The following CNTLN variants were observed in gnomAD, a reference collection of about 807,000 sequenced individuals.
CNTLN encodes centlein.
A neutral mutation model predicts 180.0 loss-of-function variants in CNTLN; 212 were observed. The ratio of observed to expected loss-of-function variants is 1.18; its 90% confidence interval spans 1.05 to 1.32. The LOEUF (loss-of-function observed/expected upper bound fraction) is 1.32, where lower values mean the gene tolerates loss of function less well. CNTLN is among the 40% of genes most tolerant of loss of function. The probability of loss-of-function intolerance (pLI) is 0.00; values close to 1 mark genes in which losing one functional copy is unlikely to be tolerated. For synonymous variants in CNTLN, 722 were observed against 563.1 expected (o/e 1.28, Z -3.99); for missense variants, 2,095 against 1,610.9 (o/e 1.30, Z -5.14).
rs140521784 is a variant in CNTLN, at chr9:17,432,671, G to A, written c.3114+16482G>A. Among the ~76,000 whole-genome samples the A allele has an allele frequency of 8.6e-4, 131 of 152,216 alleles. 1 individual carries two copies. In the East Asian group the frequency reaches 0.024, roughly 28 times the overall value. ...AGACAGTAGAACAGATCTTCAGTGT[G>A]TGCTGAAATAAAATGCATCAGTATA... is the stretch of plus-strand genomic sequence containing the variant. On this transcript the variant is annotated intron_variant, in intron 18 of 25. Coordinates refer to ENST00000380647, the MANE Select transcript of CNTLN (RefSeq NM_017738.4).
intron 7 of CNTLN, chr9:17,298,583 T>C (rs1818119851): frequency 8.9e-7 from 1 of 1,118,412 alleles, no homozygotes; most frequent in African/African-American, 1.6e-5. Flanking sequence ...AAACTTACTC[T>C]ATAGGGTATT....
intron 6 of CNTLN, among the ~76,000 whole-genome samples, chr9:17,294,899 T>G (rs1288063364): frequency 0.05 from 231 of 4,592 alleles, no homozygotes; most frequent in Admixed American, 0.073. Context: ...GAGTGGGGAG[T>G]GGGGGGAGGG....
At chr9:17,258,524 G>A (rs908581281) in intron 5 of CNTLN, among the ~76,000 whole-genome samples, 1 of 151,156 alleles carries the variant, frequency 6.6e-6, no homozygotes, top group Non-Finnish European at 1.5e-5. Flanking sequence ...GAAAGTCATT[G>A]GTAGATTTAT....
intron 8 of CNTLN, among the ~76,000 whole-genome samples, chr9:17,309,884 A>G (rs1819006058): frequency 6.6e-6 from 1 of 152,072 alleles, no homozygotes. Context: ...AGTGTTTTTA[A>G]GGCTCTCATA....
intron 12 of CNTLN, 133 bp downstream of exon 12, chr9:17,342,577 A>G: frequency 3.8e-6 from 3 of 787,208 alleles, no homozygotes; most frequent in Non-Finnish European, 5.9e-6. Context: ...AGTAAAGAAA[A>G]AAAGACTAGC....
At chr9:17,318,357 T>C (rs771083971) in intron 8 of CNTLN, among the ~76,000 whole-genome samples, 3 of 152,054 alleles carry the variant, frequency 2.0e-5, no homozygotes, top group Non-Finnish European at 4.4e-5. Context: ...AAGATCACTC[T>C]GGATGCATTG....
At chr9:17,176,235 A>T (rs572940133) in intron 2 of CNTLN, among the ~76,000 whole-genome samples, 2 of 149,292 alleles carry the variant, frequency 1.3e-5, no homozygotes, top group East Asian at 2.0e-4. Flanking sequence ...TTTTTTGTAA[A>T]TTTTTTTTTT....
intron 8 of CNTLN, among the ~76,000 whole-genome samples, chr9:17,321,561 T>C (rs1271136102): frequency 6.6e-6 from 1 of 152,124 alleles, no homozygotes; most frequent in Admixed American, 6.5e-5. Flanking sequence ...TTTGGAAGGG[T>C]ATATCTAATT....
At chr9:17,194,547 A>T (rs904751095) in intron 2 of CNTLN, among the ~76,000 whole-genome samples, 2 of 152,132 alleles carry the variant, frequency 1.3e-5, no homozygotes, top group Admixed American at 1.3e-4. Flanking sequence ...TCCATCGGAG[A>T]CCACCTCAGC....
chr9:17,490,783 GA>G (rs556145645), intron 25 of CNTLN, among the ~76,000 whole-genome samples: 233 of 151,452 alleles, frequency 1.5e-3, no homozygotes, highest in East Asian at 9.9e-3. Flanking sequence ...ATTACAAAAA[GA>G]AAAAAAAGAA....
intron 15 of CNTLN, among the ~76,000 whole-genome samples, chr9:17,400,340 T>C (rs1041914978): frequency 1.2e-4 from 19 of 152,138 alleles, no homozygotes; most frequent in African/African-American, 4.6e-4. Context: ...GGTTTCACCA[T>C]GTTGGCCAGG....
intron 7 of CNTLN, chr9:17,301,795 AAAC>A: frequency 1.0e-6 from 1 of 981,522 alleles, no homozygotes; most frequent in Non-Finnish European, 1.2e-6. Flanking sequence ...TTATTTTAAA[AAAC>A]AAAGTCTTTT....
intron 2 of CNTLN, among the ~76,000 whole-genome samples, chr9:17,215,913 A>C (rs1027949105): frequency 6.6e-6 from 1 of 152,138 alleles, no homozygotes; most frequent in African/African-American, 2.4e-5. Context: ...GCGCAGTATT[A>C]GGGTGGGAGT....
chr9:17,247,632 C>CT (rs367654126), intron 5 of CNTLN, among the ~76,000 whole-genome samples: 218 of 152,204 alleles, frequency 1.4e-3, no homozygotes, highest in African/African-American at 5.2e-3. Flanking sequence ...TAAGAAGGTA[C>CT]TTTTTTGTGT....
At chr9:17,392,090 C>T (rs1436602041) in intron 14 of CNTLN, among the ~76,000 whole-genome samples, 1 of 151,994 alleles carries the variant, frequency 6.6e-6, no homozygotes, top group African/African-American at 2.4e-5. Context: ...CAACACAATG[C>T]GACCCCATCT....
intron 2 of CNTLN, among the ~76,000 whole-genome samples, chr9:17,162,000 T>C (rs1233978285): frequency 6.6e-6 from 1 of 152,230 alleles, no homozygotes; most frequent in Non-Finnish European, 1.5e-5. Flanking sequence ...CTTAGGGCAG[T>C]GATCTCAGTA....
the CNTLN span, among the ~76,000 whole-genome samples, chr9:17,515,512 C>A: frequency 6.6e-6 from 1 of 152,098 alleles, no homozygotes; most frequent in African/African-American, 2.4e-5. Flanking sequence ...ATAGGTATCC[C>A]AAATGTCACA....
intron 18 of CNTLN, among the ~76,000 whole-genome samples, chr9:17,430,348 A>G (rs528826235): frequency 1.3e-5 from 2 of 152,126 alleles, no homozygotes; most frequent in Non-Finnish European, 2.9e-5. Context: ...AAAATTACCT[A>G]TCTTTTAAAT....
At chr9:17,301,631 T>A in intron 7 of CNTLN, 1 of 980,532 alleles carries the variant, frequency 1.0e-6, no homozygotes, top group Non-Finnish European at 1.2e-6. Context: ...TATTTTAATT[T>A]TGTAGTTGTT....
Sources: allele counts gnomAD v4.1 joint callset (sites outside exome capture counted in the v4.1 genomes callset), GRCh38; gene constraint gnomAD v4.1.1; transcripts MANE v1.5; gene names NCBI Gene and HGNC (gene_info 2026-07-23, HGNC 2026-07-21).